The following VPS13D variants were observed in gnomAD, a reference collection of about 807,000 sequenced individuals.
The protein encoded by VPS13D is vacuolar protein sorting 13 homolog D, also known as intermembrane lipid transfer protein VPS13D.
VPS13D carries 187 observed loss-of-function variants against 461.9 expected under a neutral mutation model. The observed-to-expected ratio is 0.40, with a 90% CI of 0.36 to 0.46. The LOEUF is 0.46. Ranked by LOEUF, VPS13D falls within the 20% of genes least tolerant of loss-of-function variation. The pLI is 0.60. For synonymous variants in VPS13D, 1,951 were observed against 1,986.3 expected, an observed-to-expected ratio of 0.98 and a Z score of 0.47; for missense variants, 4,711 against 5,364.9, an observed-to-expected ratio of 0.88 and a Z score of 3.81.
chr1:12,453,284 A>ATT (rs1446170495), intron 65 of VPS13D, among the ~76,000 whole-genome samples: 1 of 152,102 alleles, frequency 6.6e-6, no homozygotes, highest in Admixed American at 6.6e-5. Context: ...GTGGGGGAGT[A>ATT]TTATAGGATT....
chr1:12,255,313 ATAAAGG>A (rs1273924164), intron 7 of VPS13D, among the ~76,000 whole-genome samples: 2 of 152,236 alleles, frequency 1.3e-5, no homozygotes, highest in Non-Finnish European at 2.9e-5. Context: ...GCTATAAATA[ATAAAGG>A]TAAAGATCTT....
In VPS13D at chr1:12,507,503, C is replaced by T. The variant is rs1283994283; in HGVS notation, c.13035+410C>T. 3 of 463,946 alleles carry T rather than the reference C, an allele frequency of 6.5e-6. No homozygotes were observed. The highest frequency in any genetic ancestry group is 2.0e-5 in the African/African-American group (1 of 50,354). The allele number at this position is 463,946 out of a possible 1,614,324, so 28.7% of individuals were successfully genotyped here. On this transcript the variant is annotated intron_variant, in intron 69 of 69. Transcript: ENST00000620676. This position sits in a 1 kb window ranked among gnomAD's most constrained non-coding sequence, Gnocchi z 5.3. ...TGGTTTCTCCATTGTTTCTCCTTAA[C>T]AGTGGAAACCGTAACTTTTGTTCTA...
At position 12,399,444 on chromosome 1, in the gene VPS13D, C is replaced by T. The variant is rs190980137; in HGVS notation, c.11635-737C>T. ...ACTCCTGACCTCGTGATCCGCCTGC[C>T]GCAACCTCCCAAAGTGCTGGGATTA... is the stretch of plus-strand genomic sequence containing the variant. On this transcript the variant is annotated intron_variant, in intron 60 of 69. Coordinates refer to ENST00000620676, the MANE Select transcript of VPS13D (RefSeq NM_015378.4). Among the ~76,000 whole-genome samples the T allele has an allele frequency of 3.7e-3, 559 of 152,094 alleles. 3 individuals are homozygous for T. The highest frequency in any genetic ancestry group is 0.013 in the African/African-American group (526 of 41,502).
At chr1:12,372,683 A>C (rs1200716459) in intron 54 of VPS13D, among the ~76,000 whole-genome samples, 7 of 151,868 alleles carry the variant, frequency 4.6e-5, no homozygotes, top group African/African-American at 1.7e-4. Flanking sequence ...GTGTCCTTTC[A>C]AGCACAGAAG....
intron 65 of VPS13D, among the ~76,000 whole-genome samples, chr1:12,417,138 G>A (rs769582036): frequency 1.3e-5 from 2 of 152,090 alleles, no homozygotes; most frequent in African/African-American, 4.8e-5. Context: ...ACCTTTCACT[G>A]TGCCACCAGA....
chr1:12,287,643 A>G (rs1642011950), intron 21 of VPS13D, among the ~76,000 whole-genome samples: 1 of 152,242 alleles, frequency 6.6e-6, no homozygotes, highest in African/African-American at 2.4e-5. Flanking sequence ...AATAGTTACA[A>G]TTACAATATT....
At chr1:12,395,430 C>CT (rs1341923759) in intron 60 of VPS13D, among the ~76,000 whole-genome samples, 1 of 152,194 alleles carries the variant, frequency 6.6e-6, no homozygotes, top group African/African-American at 2.4e-5. Context: ...GTGTGTGCAT[C>CT]TTTCGGCGTG....
chr1:12,455,661 G>GT (rs1645315792), intron 65 of VPS13D, among the ~76,000 whole-genome samples: 1 of 152,160 alleles, frequency 6.6e-6, no homozygotes, highest in African/African-American at 2.4e-5. Flanking sequence ...GCTCACGCCT[G>GT]TAATCCCAGC....
intron 44 of VPS13D, 102 bp downstream of exon 44, chr1:12,346,754 A>G: frequency 1.8e-6 from 2 of 1,121,316 alleles, no homozygotes; most frequent in East Asian, 2.7e-5. Context: ...ACTTTATGAC[A>G]TATATGCGAT....
In VPS13D at chr1:12,507,647, G is replaced by A. The variant is rs1018449830; in HGVS notation, c.13035+554G>A. Reference sequence around the variant, plus strand: ...AATAAAGCTCCTGCGAATAGCTAACGTTCCTAGAGGGCTGGCTGTCTTGTG... The same window carrying A: ...AATAAAGCTCCTGCGAATAGCTAACATTCCTAGAGGGCTGGCTGTCTTGTG... On this transcript the variant is annotated intron_variant, in intron 69 of 69. Coordinates refer to ENST00000620676, the MANE Select transcript of VPS13D (RefSeq NM_015378.4). The surrounding 1 kb of genome is among the most constrained non-coding windows in gnomAD (Gnocchi z 5.3). Among the ~76,000 whole-genome samples the A allele has an allele frequency of 1.3e-5, 2 of 152,226 alleles. No individual in the cohort carries two copies. Among genetic ancestry groups the A allele is most frequent in the Non-Finnish European group, 2.9e-5 (2 of 68,032 alleles).
chr1:12,456,292 AGGAG>A (rs1645326491), intron 66 of VPS13D, among the ~76,000 whole-genome samples, 162 bp downstream of exon 66: 1 of 152,096 alleles, frequency 6.6e-6, no homozygotes, highest in Non-Finnish European at 1.5e-5. Context: ...TCATGAGGTC[AGGAG>A]TTTGAGACCA....
chr1:12,488,650 G>A (rs920680607), intron 67 of VPS13D, among the ~76,000 whole-genome samples: 3 of 143,170 alleles, frequency 2.1e-5, no homozygotes, highest in African/African-American at 7.9e-5. Context: ...AGAGGCTAAG[G>A]CAGGAAAATC....
At chr1:12,497,404 TCTCG>T in intron 67 of VPS13D, 92 bp from the exon 68 acceptor site, 1 of 1,413,912 alleles carries the variant, frequency 7.1e-7, no homozygotes, top group Admixed American at 2.2e-5. Context: ...GTAAAGTATG[TCTCG>T]TATTACAGAG....
At chr1:12,401,762 A>G (rs1192870800) in intron 62 of VPS13D, 58 bp downstream of exon 62, 2 of 1,457,742 alleles carry the variant, frequency 1.4e-6, no homozygotes, top group Non-Finnish European at 1.9e-6. Flanking sequence ...GGTATTTTTG[A>G]GTCTGTTTGT....
intron 5 of VPS13D, among the ~76,000 whole-genome samples, chr1:12,245,004 T>G (rs1569654887): frequency 6.6e-6 from 1 of 152,238 alleles, no homozygotes; most frequent in African/African-American, 2.4e-5. Flanking sequence ...TGGTCTCAGT[T>G]TCTTCATCTG....
chr1:12,301,051 T>C (rs1300012252), intron 25 of VPS13D, among the ~76,000 whole-genome samples: 1 of 152,202 alleles, frequency 6.6e-6, no homozygotes, highest in Middle Eastern at 3.2e-3. Flanking sequence ...GATTTGATTG[T>C]AAGATTTAAA....
chr1:12,257,919 T>A lies in VPS13D; in HGVS notation c.942-16T>A. On this transcript the variant is annotated splice_polypyrimidine_tract_variant and intron_variant, in intron 9 of 69. Coordinates refer to ENST00000620676, the MANE Select transcript of VPS13D (RefSeq NM_015378.4). ...TTTGTTGTAAGAAGTGATTACATCG[T>A]TATGGACTATTTCAGCTGCCGAGAA... 1 of 1,614,028 alleles carries A rather than the reference T, an allele frequency of 6.2e-7. No homozygotes were observed. The highest frequency in any genetic ancestry group is 1.1e-5 in the South Asian group (1 of 91,080).
chr1:12,266,500 T>C (rs1641273341), intron 13 of VPS13D, among the ~76,000 whole-genome samples: 1 of 152,264 alleles, frequency 6.6e-6, no homozygotes, highest in South Asian at 2.1e-4. Context: ...TTGCTGAAGA[T>C]TCACAGGATT....
At position 12,283,664 on chromosome 1, in the gene VPS13D, C is replaced by A; in HGVS notation, c.5562C>A (p.Asn1854Lys). The A allele has an allele frequency of 1.2e-6, 2 of 1,614,168 alleles. No individual in the cohort carries two copies. The highest frequency in any genetic ancestry group is 1.1e-5 in the South Asian group (1 of 91,076). ...MRLPPEGILH[N>K]VKLEPHASME... ...TGCCTCCTGAGGGCATTCTGCACAA[C>A]GTGAAGTTGGAGCCACATGCCTCCA... The change falls in exon 21 of 70, where the codon AAC becomes AAA. Residue 1854 changes from asparagine (N) to lysine (K), a missense_variant. By Grantham distance (94) the Asn-to-Lys change is moderately conservative. This residue lies in a region of VPS13D where 4,411 missense variants were observed against 4,937.8 expected (regional missense o/e 0.89). Coordinates refer to ENST00000620676, the MANE Select transcript of VPS13D (RefSeq NM_015378.4).
Sources: allele counts gnomAD v4.1 joint callset (sites outside exome capture counted in the v4.1 genomes callset), GRCh38; gene constraint gnomAD v4.1.1; regional missense constraint gnomAD v4.1.1; non-coding constraint Gnocchi (gnomAD v3.1); transcripts MANE v1.5; gene names NCBI Gene and HGNC (gene_info 2026-07-23, HGNC 2026-07-21).